The following TRHDE variants were observed in gnomAD, a reference collection of about 807,000 sequenced individuals.
The protein encoded by TRHDE is thyrotropin-releasing hormone-degrading ectoenzyme.
Under a neutral mutation model 125.7 loss-of-function variants are expected in TRHDE, and 72 were observed. The ratio of observed to expected loss-of-function variants is 0.57; its 90% CI spans 0.47 to 0.70. The LOEUF (loss-of-function observed/expected upper bound fraction) is 0.70, where lower values mean the gene tolerates loss of function less well. Among genes scored for constraint, TRHDE ranks in the 30% least tolerant of loss-of-function variants. The pLI is 0.00. For missense variants in TRHDE, 1,110 were observed against 1,327.1 expected, an observed-to-expected ratio of 0.84 and a Z score of 2.54; for synonymous variants, 509 against 509.1, an observed-to-expected ratio of 1.00 and a Z score of 0.00.
Position 72,358,178 on chromosome 12 carries a change from A to G in TRHDE, c.1189-19817A>G, listed in dbSNP as rs180855567. ...AGATGACCACTTTATTGAAGAGTTT[A>G]GAGAAATAGCAGAATACAGTTGACT... On this transcript the variant is annotated intron_variant, in intron 2 of 18. Transcript: ENST00000261180. Among the ~76,000 whole-genome samples the G allele has an allele frequency of 5.9e-5, 9 of 151,668 alleles. No individual in the cohort carries two copies. The East Asian group carries it at 1.8e-3, about 30-fold the overall frequency.
At chr12:72,644,976 G>A (rs920328890) in intron 15 of TRHDE, among the ~76,000 whole-genome samples, 3 of 152,202 alleles carry the variant, frequency 2.0e-5, no homozygotes, top group Non-Finnish European at 4.4e-5. Flanking sequence ...ACAGTTAGTA[G>A]AGGTTCCCAG....
rs933322927 is a variant in TRHDE, at chr12:72,398,574, A to T, written c.1315+20453A>T. On this transcript the variant is annotated intron_variant, in intron 3 of 18. Transcript: ENST00000261180. ...CTTGACATATGGTAGATGTTTAACA[A>T]ATATGCATTAGATAAGAGAATTATC... Among the ~76,000 whole-genome samples the T allele has an allele frequency of 1.3e-4, 20 of 152,366 alleles. No individual in the cohort carries two copies. In the East Asian group the frequency reaches 3.9e-3, roughly 29 times the overall value.
At chr12:72,122,129 T>C (rs1043820395) in intron 2 of TRHDE, among the ~76,000 whole-genome samples, 1 of 152,150 alleles carries the variant, frequency 6.6e-6, no homozygotes, top group African/African-American at 2.4e-5. Flanking sequence ...TTTGTTCTCA[T>C]AAGTTGCCCC....
chr12:72,252,728 A>AT (rs767966907), intron 2 of TRHDE, among the ~76,000 whole-genome samples: 2 of 152,124 alleles, frequency 1.3e-5, no homozygotes, highest in African/African-American at 2.4e-5. Flanking sequence ...TTTGAGGCAA[A>AT]TTGACATTTT....
intron 2 of TRHDE, among the ~76,000 whole-genome samples, chr12:72,307,980 G>A (rs536446971): frequency 6.6e-6 from 1 of 151,918 alleles, no homozygotes; most frequent in East Asian, 1.9e-4. Context: ...TTTTTGTCAT[G>A]CCTGTGTCTT....
At chr12:72,543,796 G>GGAT (rs1351458932) in intron 7 of TRHDE, among the ~76,000 whole-genome samples, 3 of 77,018 alleles carry the variant, frequency 3.9e-5, no homozygotes, top group East Asian at 8.4e-4. Context: ...TATTTGGAAA[G>GGAT]GATTATTATT....
At chr12:72,096,937 C>A (rs1458094121) in intron 1 of TRHDE, among the ~76,000 whole-genome samples, 1 of 152,184 alleles carries the variant, frequency 6.6e-6, no homozygotes, top group Non-Finnish European at 1.5e-5. Context: ...CACTTAAGAG[C>A]ATGGCAGAAA....
chr12:72,578,728 A>G (rs1871112320), intron 12 of TRHDE, among the ~76,000 whole-genome samples: 1 of 152,196 alleles, frequency 6.6e-6, no homozygotes, highest in African/African-American at 2.4e-5. Flanking sequence ...TTAATTATTT[A>G]GACTATTAAC....
intron 2 of TRHDE, among the ~76,000 whole-genome samples, chr12:72,334,219 C>CA (rs1869731576): frequency 6.6e-6 from 1 of 152,218 alleles, no homozygotes; most frequent in South Asian, 2.1e-4. Context: ...CCATAGTCGA[C>CA]ATTTTGCTCA....
At chr12:72,166,023 T>C (rs1221881082) in intron 2 of TRHDE, among the ~76,000 whole-genome samples, 2 of 151,972 alleles carry the variant, frequency 1.3e-5, no homozygotes, top group Admixed American at 6.6e-5. Flanking sequence ...CATCATAGAG[T>C]GCACTTACCT....
At chr12:72,442,311 CAGAGATACTTGG>C (rs1364514847) in intron 3 of TRHDE, among the ~76,000 whole-genome samples, 2 of 151,752 alleles carry the variant, frequency 1.3e-5, no homozygotes, top group African/African-American at 4.8e-5. Context: ...AAAGAGAGGG[CAGAGATACTTGG>C]GCAAGTCTCA....
At chr12:72,146,104 A>G (rs940791341) in intron 2 of TRHDE, among the ~76,000 whole-genome samples, 1 of 152,220 alleles carries the variant, frequency 6.6e-6, no homozygotes, top group Non-Finnish European at 1.5e-5. Flanking sequence ...ACCATGTGCT[A>G]TTAAAGGTAT....
intron 7 of TRHDE, among the ~76,000 whole-genome samples, chr12:72,550,968 C>T (rs977452001): frequency 3.5e-4 from 53 of 151,834 alleles, no homozygotes; most frequent in African/African-American, 1.3e-3. Flanking sequence ...TTAATACATT[C>T]TCTGCTTGCA....
At chr12:72,357,534 C>T (rs1565711107) in intron 2 of TRHDE, among the ~76,000 whole-genome samples, 2 of 151,446 alleles carry the variant, frequency 1.3e-5, no homozygotes, top group East Asian at 3.9e-4. Flanking sequence ...TGACAAATGG[C>T]AGGATCTCCT....
intron 2 of TRHDE, among the ~76,000 whole-genome samples, chr12:72,152,864 T>G (rs948819036): frequency 2.4e-4 from 37 of 152,180 alleles, no homozygotes; most frequent in African/African-American, 4.8e-4. Flanking sequence ...TCTCTTTTTT[T>G]GTTGTGTCTC....
chr12:72,247,991 ATC>A (rs1878605546), intron 2 of TRHDE, among the ~76,000 whole-genome samples: 1 of 152,036 alleles, frequency 6.6e-6, no homozygotes, highest in African/African-American at 2.4e-5. Flanking sequence ...TTAATTAATC[ATC>A]TGTCTCAGTG....
chr12:72,570,672 A>G (rs1870681296), intron 10 of TRHDE, among the ~76,000 whole-genome samples: 1 of 151,730 alleles, frequency 6.6e-6, no homozygotes, highest in Admixed American at 6.6e-5. Flanking sequence ...TTTCCTTTAC[A>G]GTCTTTCATT....
In TRHDE at chr12:72,142,006, A is replaced by G. The variant is rs147296870; in HGVS notation, n.279+36254A>G. ...ATTAAAGGTAGGCCCCAGGGAGAAG[A>G]AATTTCCTGGGCATGCACATTAAGA... On this transcript the variant is annotated intron_variant and non_coding_transcript_variant, in intron 2 of 4. Transcript: ENST00000548156. Among the ~76,000 whole-genome samples, 800 of 152,206 alleles carry G rather than the reference A, an allele frequency of 5.3e-3. 4 individuals are homozygous for G. The highest frequency in any genetic ancestry group is 0.018 in the African/African-American group (741 of 41,530).
At chr12:72,381,546 C>T (rs982512764) in intron 3 of TRHDE, among the ~76,000 whole-genome samples, 39 of 151,736 alleles carry the variant, frequency 2.6e-4, no homozygotes, top group African/African-American at 9.2e-4. Flanking sequence ...CAGGCGCCCG[C>T]CACTACGCCT....
Sources: allele counts gnomAD v4.1 joint callset (sites outside exome capture counted in the v4.1 genomes callset), GRCh38; gene constraint gnomAD v4.1.1; transcripts MANE v1.5; gene names NCBI Gene and HGNC (gene_info 2026-07-23, HGNC 2026-07-21).